ZNF540: variants seen among roughly 807,000 people sequenced by gnomAD.
The protein encoded by ZNF540 is zinc finger protein 540.
A neutral mutation model predicts 11.8 loss-of-function variants in ZNF540; 3 were observed. The observed-to-expected ratio is 0.25, with a 90% CI of 0.12 to 0.65. The LOEUF (loss-of-function observed/expected upper bound fraction) is 0.65, where lower values mean the gene tolerates loss of function less well. Ranked by LOEUF, ZNF540 falls within the 30% of genes least tolerant of loss-of-function variation. The pLI, the probability that ZNF540 is intolerant of heterozygous loss-of-function variation, is 0.83. For synonymous variants in ZNF540, 247 were observed against 259.0 expected (o/e 0.95, Z 0.45); for missense variants, 709 against 793.1 (o/e 0.89, Z 1.27).
At chr19:37,591,621 C>G (rs544098796), upstream of ZNF540, among the ~76,000 whole-genome samples, 3 of 152,278 alleles carry the variant, frequency 2.0e-5, no homozygotes, top group African/African-American at 4.8e-5. Context: ...CTCGGCTCAC[C>G]ACAACCTCGG....
chr19:37,584,059 A>G (rs1269357143), intron 1 of ZNF540: 2 of 1,614,044 alleles, frequency 1.2e-6, no homozygotes, highest in Non-Finnish European at 1.7e-6. Context: ...ATTCCTCCTG[A>G]GAGAAGTCAA....
At chr19:37,576,042 T>TACACAC (rs34837052) in intron 1 of ZNF540, among the ~76,000 whole-genome samples, 2 of 148,846 alleles carry the variant, frequency 1.3e-5, no homozygotes, top group South Asian at 2.1e-4. Flanking sequence ...CATACATGCA[T>TACACAC]ACACACACAC....
chr19:37,563,029 C>T (rs542255103), intron 1 of ZNF540: 1 of 152,010 alleles, frequency 6.6e-6, no homozygotes, highest in South Asian at 2.1e-4. Context: ...ATAATACAAA[C>T]CAAAAATAAA....
intron 1 of ZNF540, among the ~76,000 whole-genome samples, chr19:37,596,941 A>T (rs2044001098): frequency 1.3e-5 from 2 of 152,216 alleles, no homozygotes; most frequent in Non-Finnish European, 2.9e-5. Flanking sequence ...CTTGGGTTTT[A>T]TTAGGCGTAA....
rs1054841707 is a variant in ZNF540, at chr19:37,609,265, C to T, written c.233-2248C>T. On this transcript the variant is annotated intron_variant, in intron 4 of 4. Coordinates refer to ENST00000316433, the MANE Select transcript of ZNF540 (RefSeq NM_001172225.3). ...AGCTTATAAAGAAAGTACAGTGGGC[C>T]GGGCACGGTGGCTAACGCCTGTAAT... Among the ~76,000 whole-genome samples the T allele has an allele frequency of 6.6e-5, 10 of 152,188 alleles. 1 individual carries two copies. In the South Asian group the frequency reaches 8.3e-4, roughly 13 times the overall value.
chr19:37,557,563 C>G (rs981775257), intron 1 of ZNF540, among the ~76,000 whole-genome samples: 3 of 152,180 alleles, frequency 2.0e-5, no homozygotes, highest in Non-Finnish European at 4.4e-5. Context: ...CTTTCGTACT[C>G]CCTGCTCGAG....
chr19:37,559,483 T>C (rs2042694886), intron 1 of ZNF540, among the ~76,000 whole-genome samples: 1 of 152,240 alleles, frequency 6.6e-6, no homozygotes, highest in South Asian at 2.1e-4. Flanking sequence ...GAGTATATCA[T>C]GGCATTGCTG....
intron 1 of ZNF540, among the ~76,000 whole-genome samples, chr19:37,557,240 A>G (rs2042669340): frequency 6.6e-6 from 1 of 152,180 alleles, no homozygotes; most frequent in Non-Finnish European, 1.5e-5. Flanking sequence ...GGCTGGGTTT[A>G]GGACCTTGTT....
At chr19:37,588,395 A>G (rs973224104) in intron 1 of ZNF540, among the ~76,000 whole-genome samples, 1 of 152,224 alleles carries the variant, frequency 6.6e-6, no homozygotes, top group African/African-American at 2.4e-5. Context: ...GAACAAAATC[A>G]TATCCTCTGC....
chr19:37,561,672 G>C (rs2042719094), intron 1 of ZNF540, among the ~76,000 whole-genome samples: 1 of 152,164 alleles, frequency 6.6e-6, no homozygotes, highest in African/African-American at 2.4e-5. Context: ...CGTATTTTGG[G>C]AATTATTTCT....
At chr19:37,574,444 AT>A (rs2043176057) in intron 1 of ZNF540, among the ~76,000 whole-genome samples, 2 of 152,214 alleles carry the variant, frequency 1.3e-5, no homozygotes, top group Non-Finnish European at 2.9e-5. Context: ...ATCTCCAAAA[AT>A]ATTATTCCCA....
At position 37,565,611 on chromosome 19, in the gene ZNF540, G is replaced by A. The variant is rs116384871; in HGVS notation, c.-73+13946G>A. On this transcript the variant is annotated intron_variant, in intron 1 of 4. Transcript: ENST00000592533. ...CATTCATAGGGTTTTTCACCACTAT[G>A]AATTCTCTGATGAAGAGTATATTGT... The A allele has an allele frequency of 5.6e-6, 9 of 1,613,310 alleles. No individual in the cohort carries two copies. The African/African-American group carries it at 9.3e-5, about 17-fold the overall frequency.
At chr19:37,565,688 C>A in intron 1 of ZNF540, 1 of 1,613,804 alleles carries the variant, frequency 6.2e-7, no homozygotes, top group South Asian at 1.1e-5. Flanking sequence ...TGGTTTCTCT[C>A]CTGTATGAAC....
rs758262000 is a variant in ZNF540, at chr19:37,613,249, C to T, written c.1969C>T (p.His657Tyr). ...YSHLYQHQKT[H>Y]NVI ...ACATCTTTATCAACATCAGAAAACT[C>T]ATAATGTAATTTAATATAAGAAAAG... Residue 657 changes from histidine to tyrosine, a missense_variant, in exon 5 of 5, where the codon CAT becomes TAT. Coordinates refer to ENST00000316433, the MANE Select transcript of ZNF540 (RefSeq NM_001172225.3). 6.7e-7 allele frequency: 1 copy of T among 1,496,514 alleles called. No individual in the cohort carries two copies. Among genetic ancestry groups the T allele is most frequent in the East Asian group, 2.3e-5 (1 of 43,824 alleles). 92.7% of individuals were successfully genotyped at this position (1,496,514 alleles called of 1,614,324 possible). A position where few individuals can be genotyped will look rare whatever the true frequency, so the allele number is the denominator to read the frequency against.
chr19:37,557,763 G>A (rs1222487284), intron 1 of ZNF540, among the ~76,000 whole-genome samples: 4 of 152,152 alleles, frequency 2.6e-5, no homozygotes, highest in Middle Eastern at 3.2e-3. Context: ...TGCAAGATGC[G>A]AGCATTTGAC....
intron 1 of ZNF540, chr19:37,565,956 C>G: frequency 6.2e-7 from 1 of 1,613,790 alleles, no homozygotes; most frequent in Non-Finnish European, 8.5e-7. Context: ...TGATTTTCCT[C>G]ATGTTGAATA....
chr19:37,557,013 A>G (rs1300979105), intron 1 of ZNF540, among the ~76,000 whole-genome samples: 2 of 152,198 alleles, frequency 1.3e-5, no homozygotes, highest in African/African-American at 2.4e-5. Flanking sequence ...ATCAGACCCT[A>G]TGGCAGCAGG....
chr19:37,566,916 C>T lies in ZNF540; in HGVS notation c.-73+15251C>T, dbSNP rs147488686. 3.1e-3 allele frequency among the ~76,000 whole-genome samples: 473 copies of T among 152,278 alleles called. 2 individuals carry two copies. The highest frequency in any genetic ancestry group is 0.011 in the African/African-American group (457 of 41,556). ...GACCCTACACAAGCTTGCCTGTGGC[C>T]ACTTTTCTTATGTCATCTCCCACTT... On this transcript the variant is annotated intron_variant, in intron 1 of 4. Coordinates refer to the ZNF540 transcript ENST00000592533.
At chr19:37,591,698 C>T (rs2043872889), upstream of ZNF540, among the ~76,000 whole-genome samples, 1 of 152,172 alleles carries the variant, frequency 6.6e-6, no homozygotes, top group South Asian at 2.1e-4. Flanking sequence ...GAATGTGCCA[C>T]CATGCCCAGC....
Sources: allele counts gnomAD v4.1 joint callset (sites outside exome capture counted in the v4.1 genomes callset), GRCh38; gene constraint gnomAD v4.1.1; transcripts MANE v1.5; gene names NCBI Gene and HGNC (gene_info 2026-07-23, HGNC 2026-07-21).